The following SYT17 variants were observed in gnomAD, a reference collection of about 807,000 sequenced individuals.
The protein encoded by SYT17 is synaptotagmin-17.
SYT17 carries 22 observed loss-of-function variants against 46.7 expected under a neutral mutation model. The ratio of observed to expected loss-of-function variants is 0.47; its 90% CI spans 0.34 to 0.67. The LOEUF (loss-of-function observed/expected upper bound fraction) is 0.67. SYT17 is among the 30% of genes least tolerant of loss of function. The probability of loss-of-function intolerance (pLI) is 0.01; values close to 1 mark genes in which losing one functional copy is unlikely to be tolerated. For synonymous variants in SYT17, 251 were observed against 248.4 expected (o/e 1.01, Z -0.10); for missense variants, 519 against 612.8 (o/e 0.85, Z 1.62).
At chr16:19,240,746 T>G (rs1405973513) in intron 7 of SYT17, among the ~76,000 whole-genome samples, 1 of 152,204 alleles carries the variant, frequency 6.6e-6, no homozygotes, top group African/African-American at 2.4e-5. Flanking sequence ...AGGTTGCTCA[T>G]GGCGCTCAGG....
chr16:19,225,164 G>C (rs1966457857), intron 7 of SYT17, among the ~76,000 whole-genome samples: 1 of 152,204 alleles, frequency 6.6e-6, no homozygotes, highest in Non-Finnish European at 1.5e-5. Context: ...GCATAGGTTT[G>C]TTGTGAACAG....
At chr16:19,253,135 A>G (rs1403427616) in intron 7 of SYT17, among the ~76,000 whole-genome samples, 1 of 152,230 alleles carries the variant, frequency 6.6e-6, no homozygotes, top group Non-Finnish European at 1.5e-5. Flanking sequence ...ATTGGAATAC[A>G]GCCATGTGCA....
chr16:19,241,064 CAGCCTCCCAAGT>C (rs1967076623), intron 7 of SYT17, among the ~76,000 whole-genome samples: 1 of 150,026 alleles, frequency 6.7e-6, no homozygotes, highest in African/African-American at 2.4e-5. Context: ...TCTCCTGCCT[CAGCCTCCCAAGT>C]AGCTGGGACT....
intron 7 of SYT17, among the ~76,000 whole-genome samples, chr16:19,233,108 C>T (rs548443009): frequency 2.0e-5 from 3 of 152,344 alleles, no homozygotes; most frequent in African/African-American, 7.2e-5. Flanking sequence ...TTCCACCTCC[C>T]TCTCGCCCTG....
At chr16:19,209,157 CT>C (rs1965792389) in intron 5 of SYT17, among the ~76,000 whole-genome samples, 2 of 152,036 alleles carry the variant, frequency 1.3e-5, no homozygotes, top group African/African-American at 4.8e-5. Flanking sequence ...GCGCGAGCCA[CT>C]GCACCCTGCC....
In SYT17 at chr16:19,203,946, G is replaced by A. The variant is rs371703898; in HGVS notation, c.952-19099G>A. On this transcript the variant is annotated intron_variant, in intron 5 of 7. Coordinates refer to ENST00000355377, the MANE Select transcript of SYT17 (RefSeq NM_016524.4). ...CAACATAAGATTGACGGAAGCGGAA[G>A]CTGGGGAATGAAAAGCCTCAGGCCA... is the stretch of plus-strand genomic sequence containing the variant. 3.3e-5 allele frequency among the ~76,000 whole-genome samples: 5 copies of A among 152,240 alleles called. No homozygotes were observed. The East Asian group carries it at 7.7e-4, about 23-fold the overall frequency.
At chr16:19,224,191 C>A (rs1488423903) in intron 6 of SYT17, among the ~76,000 whole-genome samples, 2 of 152,148 alleles carry the variant, frequency 1.3e-5, no homozygotes, top group African/African-American at 4.8e-5. Flanking sequence ...AGACAGAAAT[C>A]CAGGGCAGGC....
chr16:19,211,627 T>A (rs1452818036), intron 5 of SYT17, among the ~76,000 whole-genome samples: 1 of 150,738 alleles, frequency 6.6e-6, no homozygotes, highest in African/African-American at 2.4e-5. Context: ...ATCTTGTATT[T>A]TTTTTTTTTT....
chr16:19,217,924 T>C (rs1966158535), intron 5 of SYT17, among the ~76,000 whole-genome samples: 1 of 152,228 alleles, frequency 6.6e-6, no homozygotes, highest in African/African-American at 2.4e-5. Flanking sequence ...TCTCCACCAA[T>C]AGATACTGAG....
intron 5 of SYT17, among the ~76,000 whole-genome samples, chr16:19,197,575 A>G (rs1458357123): frequency 6.6e-6 from 1 of 152,016 alleles, no homozygotes; most frequent in Non-Finnish European, 1.5e-5. Context: ...CAGCCTCCTG[A>G]GTAGCTGGGA....
At chr16:19,171,280 C>G (rs1489601587) in intron 1 of SYT17, 4 of 145,594 alleles carry the variant, frequency 2.7e-5, no homozygotes, top group African/African-American at 1.1e-4. Context: ...AGCCACGTAC[C>G]ACCTATACTA....
chr16:19,230,394 T>A, intron 7 of SYT17, among the ~76,000 whole-genome samples: 1 of 148,144 alleles, frequency 6.8e-6, no homozygotes, highest in African/African-American at 2.5e-5. Context: ...GCAACAAGAG[T>A]GAAACTCTTT....
chr16:19,264,215 C>A (rs1435346651), intron 7 of SYT17, among the ~76,000 whole-genome samples: 9 of 152,168 alleles, frequency 5.9e-5, no homozygotes, highest in African/African-American at 1.9e-4. Flanking sequence ...TTATAAGCCA[C>A]CCAGTTTATG....
At chr16:19,217,669 G>T (rs1966147694) in intron 5 of SYT17, among the ~76,000 whole-genome samples, 1 of 152,156 alleles carries the variant, frequency 6.6e-6, no homozygotes, top group Non-Finnish European at 1.5e-5. Context: ...CTGCGTACAA[G>T]TTTTCATGTG....
In SYT17 at chr16:19,185,949, C is replaced by G. The variant is rs1307159290; in HGVS notation, c.951+1802C>G. ...GCAGACAAGAGGCGGGGAGTGTTCC[C>G]GTTCACTCCTGATGCTGAGCCTTCT... is the stretch of plus-strand genomic sequence containing the variant. On this transcript the variant is annotated intron_variant, in intron 5 of 7. Transcript: ENST00000355377. 2.0e-5 allele frequency among the ~76,000 whole-genome samples: 3 copies of G among 152,146 alleles called. No individual in the cohort carries two copies. In the South Asian group the frequency reaches 6.2e-4, roughly 32 times the overall value.
At chr16:19,204,841 C>G (rs1199874510) in intron 5 of SYT17, among the ~76,000 whole-genome samples, 1 of 152,030 alleles carries the variant, frequency 6.6e-6, no homozygotes, top group African/African-American at 2.4e-5. Flanking sequence ...GTGGCTGGCT[C>G]ACGTCTCACT....
chr16:19,268,242 G>C lies in SYT17; in HGVS notation c.*1166G>C, dbSNP rs941145967. On this transcript the variant is annotated 3_prime_UTR_variant, in exon 8 of 8. Transcript: ENST00000355377. Reference sequence around the variant, plus strand: ...CTCTCTCTCTCTTTCCTCTCTCTCTGTTGGATGCTTCTGTATCTTTTTCCA... The same window carrying C: ...CTCTCTCTCTCTTTCCTCTCTCTCTCTTGGATGCTTCTGTATCTTTTTCCA... 6.6e-6 allele frequency: 1 copy of C among 151,608 alleles called. No homozygotes were observed. Among genetic ancestry groups the C allele is most frequent in the African/African-American group, 2.4e-5 (1 of 41,214 alleles). 9.4% of individuals were successfully genotyped at this position (151,608 alleles called of 1,614,324 possible).
At chr16:19,190,139 A>G (rs902218701) in intron 5 of SYT17, among the ~76,000 whole-genome samples, 1 of 152,254 alleles carries the variant, frequency 6.6e-6, no homozygotes, top group African/African-American at 2.4e-5. Flanking sequence ...ATTGAAAGCC[A>G]TTGAAATCTG....
Position 19,267,104 on chromosome 16 carries a change from G to C in SYT17, c.*28G>C. 3.5e-6 allele frequency: 3 copies of C among 858,400 alleles called. No homozygotes were observed. Among genetic ancestry groups the C allele is most frequent in the South Asian group, 3.7e-5 (1 of 26,686 alleles). The allele number at this position is 858,400 out of a possible 1,614,324, so 53.2% of individuals were successfully genotyped here. On this transcript the variant is annotated 3_prime_UTR_variant, in exon 8 of 8. Coordinates refer to ENST00000355377, the MANE Select transcript of SYT17 (RefSeq NM_016524.4). ...GCTGCAGGGAAGGCAGCTTTCATTTGTTTAAAAAAAAAAAAAAAAGACGGA... is the reference window on the plus strand; with the variant it reads ...GCTGCAGGGAAGGCAGCTTTCATTTCTTTAAAAAAAAAAAAAAAAGACGGA...
Sources: gnomAD v4.1 joint callset for allele counts (sites outside exome capture counted in the v4.1 genomes callset) on GRCh38, gnomAD v4.1.1 for gene constraint, MANE v1.5 for transcripts, NCBI Gene and HGNC (gene_info 2026-07-23, HGNC 2026-07-21) for gene names.